Variants in HECW1 observed in about 807,000 individuals in gnomAD.
The protein encoded by HECW1 is HECT, C2 and WW domain containing E3 ubiquitin protein ligase 1.
Under a neutral mutation model 182.3 loss-of-function variants are expected in HECW1, and 61 were observed. The observed-to-expected ratio is 0.33, with a 90% CI of 0.27 to 0.41. HECW1 has a LOEUF of 0.41. Among genes scored for constraint, HECW1 ranks in the 10% least tolerant of loss-of-function variants. The pLI, the probability that HECW1 is intolerant of heterozygous loss-of-function variation, is 1.00. For missense variants in HECW1, 1,739 were observed against 2,108.9 expected (o/e 0.82, Z 3.44); for synonymous variants, 859 against 832.6 (o/e 1.03, Z -0.55).
chr7:43,258,509 G>A (rs1459804428), intron 3 of HECW1: 2 of 152,110 alleles, frequency 1.3e-5, no homozygotes, highest in Admixed American at 6.5e-5. Context: ...CCAGATTATG[G>A]AACTAATTAT....
intron 2 of HECW1, among the ~76,000 whole-genome samples, chr7:43,223,120 C>T (rs1008710220): frequency 6.6e-6 from 1 of 152,190 alleles, no homozygotes; most frequent in African/African-American, 2.4e-5. Context: ...TGAAGTCATC[C>T]TTCTCTTTCT....
chr7:43,136,197 A>G (rs1292627705), intron 2 of HECW1, among the ~76,000 whole-genome samples: 2 of 152,234 alleles, frequency 1.3e-5, no homozygotes, highest in South Asian at 4.2e-4. Context: ...GCCTGATACT[A>G]CTATAGACAG....
At chr7:43,384,476 T>C (rs1011114767) in intron 6 of HECW1, among the ~76,000 whole-genome samples, 1 of 152,204 alleles carries the variant, frequency 6.6e-6, no homozygotes, top group African/African-American at 2.4e-5. Flanking sequence ...TAGAGAGCTT[T>C]TCCTAAGTAT....
chr7:43,130,589 A>C (rs1353870680), intron 2 of HECW1, among the ~76,000 whole-genome samples: 1 of 152,210 alleles, frequency 6.6e-6, no homozygotes, highest in Non-Finnish European at 1.5e-5. Flanking sequence ...ACAGTAAAAC[A>C]ATATGGCATA....
chr7:43,550,955 T>G (rs923843156), intron 27 of HECW1, among the ~76,000 whole-genome samples: 5 of 152,078 alleles, frequency 3.3e-5, no homozygotes, highest in African/African-American at 1.2e-4. Flanking sequence ...GTGAAGACAT[T>G]GGGGGGTATT....
chr7:43,550,013 G>T lies in HECW1; in HGVS notation c.4249-432G>T, dbSNP rs556000498. Reference sequence around the variant, plus strand: ...GTGCTTAGCAATCTGCTTAGAGGTCGGGTGCAGTGGCTCCCAATACTTTGG... The same window carrying T: ...GTGCTTAGCAATCTGCTTAGAGGTCTGGTGCAGTGGCTCCCAATACTTTGG... On this transcript the variant is annotated intron_variant, in intron 26 of 29. Transcript: ENST00000395891. 3.9e-5 allele frequency among the ~76,000 whole-genome samples: 6 copies of T among 152,026 alleles called. No individual in the cohort carries two copies. In the South Asian group the frequency reaches 8.3e-4, roughly 21 times the overall value.
rs1563045154 is a variant in HECW1 at position 43,488,387 on chromosome 7, G to A, written c.3235-3688G>A. 1.6e-3 allele frequency among the ~76,000 whole-genome samples: 88 copies of A among 54,190 alleles called. 3 individuals are homozygous for A. Among genetic ancestry groups the A allele is most frequent in the Non-Finnish European group, 3.0e-3 (72 of 24,092 alleles). The allele number at this position is 54,190 out of a possible 152,430, so 35.6% of individuals were successfully genotyped here. A position where few individuals can be genotyped will look rare whatever the true frequency, so the allele number is the denominator to read the frequency against. On this transcript the variant is annotated intron_variant, in intron 17 of 29. Coordinates refer to ENST00000395891, the MANE Select transcript of HECW1 (RefSeq NM_015052.5). Reference sequence around the variant, plus strand: ...GGAAGGAAGGAAGGAAGGAAGGAAGGAAGGAAGGAAGGAAATGAAAGAAAG... The same window carrying A: ...GGAAGGAAGGAAGGAAGGAAGGAAGAAAGGAAGGAAGGAAATGAAAGAAAG...
At chr7:43,351,903 G>A (rs777433208) in intron 5 of HECW1, among the ~76,000 whole-genome samples, 1 of 152,120 alleles carries the variant, frequency 6.6e-6, no homozygotes, top group Admixed American at 6.5e-5. Flanking sequence ...GCTAAGGCTG[G>A]TGTATTTCTC....
In HECW1 at chr7:43,315,198, A is replaced by G. The variant is rs76993976; in HGVS notation, c.352+3111A>G. 1.5e-3 allele frequency among the ~76,000 whole-genome samples: 235 copies of G among 152,356 alleles called. 3 individuals are homozygous for G. Among genetic ancestry groups the G allele is most frequent in the African/African-American group, 5.3e-3 (220 of 41,582 alleles). On this transcript the variant is annotated intron_variant, in intron 4 of 29. Coordinates refer to ENST00000395891, the MANE Select transcript of HECW1 (RefSeq NM_015052.5). ...ATTTATGGAACCCAACTCTTGAAGA[A>G]TTAAAGTTTTTCCTTTACATCAGGC... is the stretch of plus-strand genomic sequence containing the variant.
intron 16 of HECW1, among the ~76,000 whole-genome samples, chr7:43,476,969 T>C (rs914637954): frequency 6.6e-6 from 1 of 152,144 alleles, no homozygotes; most frequent in Non-Finnish European, 1.5e-5. Flanking sequence ...AGCAGATGTA[T>C]AACTTAGCAC....
intron 3 of HECW1, among the ~76,000 whole-genome samples, chr7:43,288,446 C>T (rs145112737): frequency 0.012 from 1,848 of 152,314 alleles, 18 homozygotes; most frequent in Middle Eastern, 0.051. Flanking sequence ...TGAACACCCT[C>T]CTTAAAGAGA....
At chr7:43,222,243 A>G (rs577750951) in intron 2 of HECW1, among the ~76,000 whole-genome samples, 1 of 152,328 alleles carries the variant, frequency 6.6e-6, no homozygotes, top group African/African-American at 2.4e-5. Flanking sequence ...GCCTGGATCC[A>G]TTCAGAGAAC....
At chr7:43,366,588 C>T (rs1328839569) in intron 6 of HECW1, among the ~76,000 whole-genome samples, 3 of 152,148 alleles carry the variant, frequency 2.0e-5, no homozygotes, top group Non-Finnish European at 4.4e-5. Flanking sequence ...AGACATAAGC[C>T]AATTAATTTG....
chr7:43,139,425 A>C (rs989452478), intron 2 of HECW1, among the ~76,000 whole-genome samples: 2 of 152,222 alleles, frequency 1.3e-5, no homozygotes, highest in Non-Finnish European at 2.9e-5. Flanking sequence ...TCAAAGACGC[A>C]ACATGCAACT....
chr7:43,265,130 T>A (rs1251765942), intron 3 of HECW1, among the ~76,000 whole-genome samples: 3 of 152,138 alleles, frequency 2.0e-5, no homozygotes, highest in Non-Finnish European at 4.4e-5. Flanking sequence ...CAGGTGACCA[T>A]GTTTTGCTCA....
intron 3 of HECW1, among the ~76,000 whole-genome samples, chr7:43,307,769 C>G (rs1293603941): frequency 6.6e-6 from 1 of 151,274 alleles, no homozygotes; most frequent in East Asian, 1.9e-4. Flanking sequence ...CAACTGTTGA[C>G]ATTTGCTCAA....
intron 17 of HECW1, among the ~76,000 whole-genome samples, chr7:43,479,973 A>G (rs1158749993): frequency 2.0e-5 from 3 of 152,106 alleles, no homozygotes; most frequent in Admixed American, 1.3e-4. Context: ...CACAATCACC[A>G]CTACTAAAAA....
At position 43,450,930 on chromosome 7, in the gene HECW1, G is replaced by A. The variant is rs1184412193; in HGVS notation, c.2500+1G>A. 6.3e-7 allele frequency: 1 copy of A among 1,589,506 alleles called. No individual in the cohort carries two copies. Among genetic ancestry groups the A allele is most frequent in the Non-Finnish European group, 8.6e-7 (1 of 1,158,018 alleles). ...ACAATCGATGAGCCTCTTCCACCAAGTAAGCTTTAGTTTTTAAAATCTGTG... is the reference window on the plus strand; with the variant it reads ...ACAATCGATGAGCCTCTTCCACCAAATAAGCTTTAGTTTTTAAAATCTGTG... On this transcript the variant is annotated splice_donor_variant, in intron 12 of 29. Coordinates refer to ENST00000395891, the MANE Select transcript of HECW1 (RefSeq NM_015052.5). LOFTEE classifies it high-confidence loss of function.
chr7:43,126,036 C>T (rs139540688), intron 2 of HECW1, among the ~76,000 whole-genome samples: 14 of 146,794 alleles, frequency 9.5e-5, no homozygotes, highest in South Asian at 2.2e-4. Flanking sequence ...CATGTAAATG[C>T]AAGGCGTGCG....
Sources: allele counts gnomAD v4.1 joint callset (sites outside exome capture counted in the v4.1 genomes callset), GRCh38; gene constraint gnomAD v4.1.1; transcripts MANE v1.5; gene names NCBI Gene and HGNC (gene_info 2026-07-23, HGNC 2026-07-21).